Variants in CCSER1 observed in about 807,000 individuals in gnomAD.
The protein encoded by CCSER1 is coiled-coil serine rich protein 1.
CCSER1 carries 41 observed loss-of-function variants against 82.0 expected under a neutral mutation model. The observed-to-expected ratio is 0.50, with a 90% CI of 0.39 to 0.65. CCSER1 has a LOEUF of 0.65. CCSER1 is among the 30% of genes least tolerant of loss of function. The pLI, the probability that CCSER1 is intolerant of heterozygous loss-of-function variation, is 0.00. For synonymous variants in CCSER1, 414 were observed against 383.9 expected (o/e 1.08, Z -0.92); for missense variants, 1,119 against 1,064.2 (o/e 1.05, Z -0.72).
At position 91,134,421 on chromosome 4, in the gene CCSER1, C is replaced by CAAA. The variant is rs111247370; in HGVS notation, c.2217+48435_2217+48437dup. ...GGGCAACACAGCAAGACCCTGTCTACAAAAAAAAAACAAAAACAAACAAAA... is the reference window on the plus strand; with the variant it reads ...GGGCAACACAGCAAGACCCTGTCTACAAAAAAAAAAAAACAAAAACAAACAAAA... On this transcript the variant is annotated intron_variant, in intron 10 of 10. Transcript: ENST00000509176. Among the ~76,000 whole-genome samples the CAAA allele has an allele frequency of 2.1e-3, 301 of 141,116 alleles. 1 individual carries two copies. Among genetic ancestry groups the CAAA allele is most frequent in the Non-Finnish European group, 3.6e-3 (234 of 64,868 alleles). 92.6% of individuals were successfully genotyped at this position (141,116 alleles called of 152,430 possible).
At chr4:90,635,316 C>A (rs1418805955) in intron 6 of CCSER1, among the ~76,000 whole-genome samples, 1 of 151,338 alleles carries the variant, frequency 6.6e-6, no homozygotes. Context: ...TACTGGGTCA[C>A]ACAATAAGTC....
chr4:91,274,172 T>C (rs17018314), intron 10 of CCSER1, among the ~76,000 whole-genome samples: 10,570 of 152,246 alleles, frequency 0.069, 399 homozygotes, highest in East Asian at 0.12. Flanking sequence ...GCTGATGTGA[T>C]GACTTTTTAA....
chr4:90,753,201 C>T (rs1561074724), intron 7 of CCSER1, among the ~76,000 whole-genome samples: 1 of 151,982 alleles, frequency 6.6e-6, no homozygotes. Flanking sequence ...TAGGAGAAAA[C>T]TAATGGTGTA....
intron 8 of CCSER1, chr4:90,918,188 TA>T: frequency 4.4e-6 from 2 of 450,928 alleles, no homozygotes; most frequent in Non-Finnish European, 8.9e-6. Flanking sequence ...TAGTGTCTGT[TA>T]ATTGTATTAA....
At chr4:90,216,686 T>C (rs942888114) in intron 1 of CCSER1, among the ~76,000 whole-genome samples, 2 of 152,192 alleles carry the variant, frequency 1.3e-5, no homozygotes, top group African/African-American at 4.8e-5. Context: ...TATAGTATAG[T>C]TTGAAGTCCA....
intron 10 of CCSER1, among the ~76,000 whole-genome samples, chr4:91,161,336 T>C (rs1731376883): frequency 6.6e-6 from 1 of 152,136 alleles, no homozygotes; most frequent in South Asian, 2.1e-4. Context: ...TCAGGTAGGG[T>C]GATGCTTCCA....
At chr4:90,271,852 A>ATATATG (rs1560919377) in intron 1 of CCSER1, among the ~76,000 whole-genome samples, 14 of 24,426 alleles carry the variant, frequency 5.7e-4, no homozygotes, top group African/African-American at 4.9e-3. Flanking sequence ...ATATATATAT[A>ATATATG]TATATATATA....
At chr4:90,165,448 T>G (rs775348714) in intron 1 of CCSER1, among the ~76,000 whole-genome samples, 14 of 152,036 alleles carry the variant, frequency 9.2e-5, no homozygotes, top group Non-Finnish European at 1.5e-4. Flanking sequence ...GAGTCATTCC[T>G]TTGAGGGTGG....
rs559238634 is a variant in CCSER1 at position 91,389,130 on chromosome 4, A to C, written c.2218-209442A>C. On this transcript the variant is annotated intron_variant, in intron 10 of 10. Transcript: ENST00000509176. ...GAATTGGTGTTATATCTAAAAATTC[A>C]ACATTATACCTAAGGTTATCTAGGT... Among the ~76,000 whole-genome samples, 14 of 152,194 alleles carry C rather than the reference A, an allele frequency of 9.2e-5. No individual in the cohort carries two copies. In the South Asian group the frequency reaches 2.9e-3, roughly 32 times the overall value.
At chr4:91,169,854 C>T (rs1732568342) in intron 10 of CCSER1, among the ~76,000 whole-genome samples, 1 of 152,024 alleles carries the variant, frequency 6.6e-6, no homozygotes, top group South Asian at 2.1e-4. Context: ...ATCCCATTTT[C>T]TTGCATGATA....
At chr4:90,562,841 C>CCTT in intron 5 of CCSER1, among the ~76,000 whole-genome samples, 1 of 133,434 alleles carries the variant, frequency 7.5e-6, no homozygotes, top group South Asian at 2.4e-4. Context: ...CCCAGCCTCC[C>CCTT]TTTTTTTTTT....
intron 6 of CCSER1, among the ~76,000 whole-genome samples, chr4:90,668,771 A>G (rs1011670723): frequency 1.9e-4 from 29 of 152,114 alleles, no homozygotes; most frequent in African/African-American, 7.0e-4. Context: ...TTCTAATCAC[A>G]ACTAGAAAAT....
At chr4:90,491,022 A>G (rs1393256685) in intron 5 of CCSER1, among the ~76,000 whole-genome samples, 1 of 152,174 alleles carries the variant, frequency 6.6e-6, no homozygotes, top group Non-Finnish European at 1.5e-5. Context: ...TTGGTTCCAT[A>G]GGAACTTTAA....
intron 10 of CCSER1, among the ~76,000 whole-genome samples, chr4:91,150,625 A>G (rs540780054): frequency 2.3e-4 from 35 of 152,116 alleles, no homozygotes; most frequent in African/African-American, 5.8e-4. Context: ...GGTTTGTCAT[A>G]AAATAGCTCT....
At chr4:90,480,608 T>A (rs1765790985) in intron 5 of CCSER1, among the ~76,000 whole-genome samples, 1 of 152,208 alleles carries the variant, frequency 6.6e-6, no homozygotes, top group South Asian at 2.1e-4. Context: ...CGAGGCAGTT[T>A]TCCCAGCACC....
intron 6 of CCSER1, among the ~76,000 whole-genome samples, chr4:90,691,910 T>C (rs1422766446): frequency 6.6e-6 from 1 of 151,700 alleles, no homozygotes; most frequent in Non-Finnish European, 1.5e-5. Context: ...TGTCCATATG[T>C]ACTCAATAGA....
At chr4:90,875,469 A>C (rs866459436) in intron 8 of CCSER1, among the ~76,000 whole-genome samples, 3 of 152,296 alleles carry the variant, frequency 2.0e-5, no homozygotes, top group Admixed American at 6.5e-5. Context: ...TTAGAGAATG[A>C]TGTTGAAGTC....
intron 4 of CCSER1, among the ~76,000 whole-genome samples, chr4:90,415,116 CA>C (rs1283230093): frequency 1.7e-4 from 26 of 152,240 alleles, no homozygotes; most frequent in Middle Eastern, 6.8e-3. Context: ...GAAAGAAAAT[CA>C]GTTGAAAAAT....
intron 10 of CCSER1, among the ~76,000 whole-genome samples, chr4:91,355,201 CTT>C (rs59032599): frequency 2.0e-4 from 30 of 150,516 alleles, no homozygotes; most frequent in East Asian, 1.4e-3. Context: ...GACAGATATA[CTT>C]TTTTTTTTTA....
Sources: gnomAD v4.1 joint callset for allele counts (sites outside exome capture counted in the v4.1 genomes callset) on GRCh38, gnomAD v4.1.1 for gene constraint, MANE v1.5 for transcripts, NCBI Gene and HGNC (gene_info 2026-07-23, HGNC 2026-07-21) for gene names.